ARID4B: variants seen among roughly 807,000 people sequenced by gnomAD.
ARID4B encodes AT-rich interaction domain 4B, also known as AT-rich interactive domain-containing protein 4B.
In ARID4B, 26 loss-of-function variants were observed where a neutral mutation model predicts 147.5. The ratio of observed to expected loss-of-function variants is 0.18; its 90% CI spans 0.13 to 0.24. The LOEUF (loss-of-function observed/expected upper bound fraction) is 0.24, where lower values mean the gene tolerates loss of function less well. Among genes scored for constraint, ARID4B ranks in the 10% least tolerant of loss-of-function variants. The pLI is 1.00. For missense variants in ARID4B, 1,179 were observed against 1,511.5 expected (o/e 0.78, Z 3.65); for synonymous variants, 512 against 507.9 (o/e 1.01, Z -0.11).
intron 21 of ARID4B, chr1:235,176,801 C>G (rs1471770092): frequency 2.1e-6 from 1 of 469,116 alleles, no homozygotes; most frequent in African/African-American, 2.0e-5. Context: ...CCGAATAACC[C>G]TTTTCTGCAC....
intron 18 of ARID4B, among the ~76,000 whole-genome samples, chr1:235,194,648 C>T (rs1446209688): frequency 6.6e-6 from 1 of 152,052 alleles, no homozygotes; most frequent in African/African-American, 2.4e-5. Flanking sequence ...TGGAGAAACC[C>T]CGTCTCTACT....
intron 2 of ARID4B, among the ~76,000 whole-genome samples, chr1:235,282,925 C>T (rs565560471): frequency 7.9e-5 from 12 of 152,216 alleles, no homozygotes; most frequent in South Asian, 6.2e-4. Context: ...GGACTACAGG[C>T]GCCTGCCACC....
intron 2 of ARID4B, among the ~76,000 whole-genome samples, chr1:235,294,438 G>A (rs1672549398): frequency 8.8e-6 from 1 of 113,760 alleles, no homozygotes; most frequent in Non-Finnish European, 1.8e-5. Context: ...TGAACCCAGG[G>A]GTTCAAGCAA....
At chr1:235,189,751 AT>A (rs397811974) in intron 19 of ARID4B, among the ~76,000 whole-genome samples, 5 of 151,432 alleles carry the variant, frequency 3.3e-5, no homozygotes, top group African/African-American at 9.7e-5. Flanking sequence ...AAAAAAAAAA[AT>A]TTGGCAGGGC....
At chr1:235,297,941 G>A (rs977845126) in intron 2 of ARID4B, among the ~76,000 whole-genome samples, 4 of 152,130 alleles carry the variant, frequency 2.6e-5, no homozygotes, top group African/African-American at 9.7e-5. Flanking sequence ...TAATGTAAAC[G>A]AACAAATTGC....
chr1:235,198,839 C>T (rs1005270315), intron 17 of ARID4B, among the ~76,000 whole-genome samples: 7 of 152,216 alleles, frequency 4.6e-5, no homozygotes, highest in African/African-American at 1.4e-4. Flanking sequence ...GTGGCTAACG[C>T]CTGTAATCCC....
At chr1:235,179,177 G>T (rs1357848464) in intron 20 of ARID4B, among the ~76,000 whole-genome samples, 1 of 152,074 alleles carries the variant, frequency 6.6e-6, no homozygotes, top group African/African-American at 2.4e-5. Flanking sequence ...ATATAGTGGG[G>T]AGTCTCCAAT....
intron 2 of ARID4B, among the ~76,000 whole-genome samples, chr1:235,293,144 T>A (rs1672447747): frequency 6.6e-6 from 1 of 152,196 alleles, no homozygotes; most frequent in African/African-American, 2.4e-5. Flanking sequence ...TCAGCAACAC[T>A]ATGACATAGG....
chr1:235,253,462 G>C (rs1669767482), intron 5 of ARID4B, among the ~76,000 whole-genome samples: 1 of 152,128 alleles, frequency 6.6e-6, no homozygotes, highest in African/African-American at 2.4e-5. Flanking sequence ...CATCCCAGTT[G>C]AAAACTAGCG....
intron 14 of ARID4B, among the ~76,000 whole-genome samples, chr1:235,221,356 T>C (rs991610666): frequency 3.4e-4 from 52 of 152,132 alleles, no homozygotes; most frequent in African/African-American, 1.2e-3. Context: ...ACTTGACAAA[T>C]GTACTTAGCC....
intron 8 of ARID4B, among the ~76,000 whole-genome samples, chr1:235,236,828 T>TAAA (rs767176715): frequency 1.3e-3 from 61 of 46,300 alleles, no homozygotes; most frequent in East Asian, 3.3e-3. Context: ...AACGGTTTTA[T>TAAA]AAAAAATATA....
At chr1:235,282,086 T>C (rs547277279) in intron 2 of ARID4B, among the ~76,000 whole-genome samples, 1 of 152,324 alleles carries the variant, frequency 6.6e-6, no homozygotes, top group Admixed American at 6.5e-5. Context: ...TATAGTGGCA[T>C]ATTTGAAGGA....
At chr1:235,197,076 A>G (rs2102968077) in intron 17 of ARID4B, among the ~76,000 whole-genome samples, 1 of 152,250 alleles carries the variant, frequency 6.6e-6, no homozygotes, top group East Asian at 1.9e-4. Context: ...TCACAATTTC[A>G]TAGGGTGCAA....
intron 15 of ARID4B, 147 bp downstream of exon 15, chr1:235,220,155 T>C (rs1667356553): frequency 1.1e-6 from 1 of 869,746 alleles, no homozygotes; most frequent in Admixed American, 3.7e-5. Flanking sequence ...GAAGTTATGA[T>C]AAAAATTATA....
intron 17 of ARID4B, among the ~76,000 whole-genome samples, chr1:235,196,634 A>G (rs1365734792): frequency 6.6e-6 from 1 of 152,028 alleles, no homozygotes; most frequent in Non-Finnish European, 1.5e-5. Flanking sequence ...CGGGCAGATC[A>G]CGAAGTCAGG....
chr1:235,181,507 C>G (rs957369784), intron 20 of ARID4B, 78 bp downstream of exon 20: 76 of 1,513,222 alleles, frequency 5.0e-5, no homozygotes, highest in Admixed American at 3.3e-4. Flanking sequence ...CAGGTTATAA[C>G]AAGAGATACT....
In ARID4B at chr1:235,182,511, T is replaced by C; in HGVS notation, c.2408A>G (p.Lys803Arg). The change falls in exon 20 of 24, where the codon AAG becomes AGG. Residue 803 changes from lysine (K) to arginine (R), a missense_variant. Lys to Arg is a conservative substitution (Grantham distance 26). Around this residue, in one of 10 missense-constraint regions of ARID4B, gnomAD observed 321 missense variants for 342.4 expected, o/e 0.94. Coordinates refer to ENST00000264183, the MANE Select transcript of ARID4B (RefSeq NM_016374.6). ...TDYEEDEVTK[K>R]RKDVKKDTTD... is the part of the protein sequence containing the mutation. ...TGTGTCCTTCTTGACATCCTTTCTC[T>C]TTTTTGTGACTTCATCTTCTTCATA... 6.2e-7 allele frequency: 1 copy of C among 1,613,122 alleles called. No homozygotes were observed. Among genetic ancestry groups the C allele is most frequent in the Non-Finnish European group, 8.5e-7 (1 of 1,179,784 alleles).
intron 3 of ARID4B, 138 bp downstream of exon 3, chr1:235,260,504 A>G: frequency 1.8e-6 from 1 of 555,442 alleles, no homozygotes; most frequent in South Asian, 3.0e-5. Flanking sequence ...ATAACAAAAA[A>G]TGCTTTGTTT....
At chr1:235,226,242 T>C (rs977789855) in intron 11 of ARID4B, among the ~76,000 whole-genome samples, 5 of 152,212 alleles carry the variant, frequency 3.3e-5, no homozygotes, top group African/African-American at 4.8e-5. Flanking sequence ...ACTTTAAGTA[T>C]GAATACGAGT....
Sources: gnomAD v4.1 joint callset for allele counts (sites outside exome capture counted in the v4.1 genomes callset) on GRCh38, gnomAD v4.1.1 for gene constraint, gnomAD v4.1.1 regional missense constraint, MANE v1.5 for transcripts, NCBI Gene and HGNC (gene_info 2026-07-23, HGNC 2026-07-21) for gene names.